TMEM131L: variants seen among roughly 807,000 people sequenced by gnomAD.
TMEM131L encodes the protein transmembrane protein 131-like.
A neutral mutation model predicts 192.2 loss-of-function variants in TMEM131L; 54 were observed. The ratio of observed to expected loss-of-function variants is 0.28; its 90% CI spans 0.23 to 0.35. The LOEUF is 0.35. Ranked by LOEUF, TMEM131L falls within the 10% of genes least tolerant of loss-of-function variation. The pLI is 1.00. For missense variants in TMEM131L, 1,888 were observed against 1,972.9 expected, an observed-to-expected ratio of 0.96 and a Z score of 0.82; for synonymous variants, 701 against 704.9, an observed-to-expected ratio of 0.99 and a Z score of 0.09.
At chr4:153,578,053 A>C (rs1730077845) in intron 7 of TMEM131L, among the ~76,000 whole-genome samples, 1 of 152,172 alleles carries the variant, frequency 6.6e-6, no homozygotes, top group African/African-American at 2.4e-5. Flanking sequence ...CTGGCAGAGG[A>C]ACCAGAGAGA....
chr4:153,537,082 A>G (rs562242915), intron 3 of TMEM131L, among the ~76,000 whole-genome samples: 2 of 152,306 alleles, frequency 1.3e-5, no homozygotes, highest in African/African-American at 2.4e-5. Flanking sequence ...TCCTTTGGCA[A>G]CACCCTCACG....
chr4:153,482,230 C>A (rs1731998084), intron 3 of TMEM131L, among the ~76,000 whole-genome samples: 1 of 152,142 alleles, frequency 6.6e-6, no homozygotes, highest in Non-Finnish European at 1.5e-5. Context: ...TGTATAGCCT[C>A]ATGGTACCTT....
At position 153,500,702 on chromosome 4, in the gene TMEM131L, T is replaced by G. The variant is rs1244930401; in HGVS notation, c.239+26814T>G. Among the ~76,000 whole-genome samples, 5 of 152,360 alleles carry G rather than the reference T, an allele frequency of 3.3e-5. No homozygotes were observed. In the South Asian group the frequency reaches 1.0e-3, roughly 32 times the overall value. On this transcript the variant is annotated intron_variant, in intron 3 of 34. Coordinates refer to ENST00000409959, the MANE Select transcript of TMEM131L (RefSeq NM_001131007.2). ...ATATACACTTAAGTAATGAATTGCC[T>G]TCTTTAAAATACAAATATTTACATT... is the stretch of plus-strand genomic sequence containing the variant.
At chr4:153,572,374 A>G (rs1729645630) in intron 7 of TMEM131L, among the ~76,000 whole-genome samples, 1 of 152,188 alleles carries the variant, frequency 6.6e-6, no homozygotes, top group South Asian at 2.1e-4. Context: ...CTTGTTGCCC[A>G]GGCTGGTGTG....
intron 26 of TMEM131L, among the ~76,000 whole-genome samples, chr4:153,616,590 A>T (rs1021792567): frequency 6.6e-6 from 1 of 152,224 alleles, no homozygotes; most frequent in Non-Finnish European, 1.5e-5. Flanking sequence ...TTTTCTTTTA[A>T]GCAGACTTTT....
intron 3 of TMEM131L, among the ~76,000 whole-genome samples, chr4:153,535,461 G>C (rs779086631): frequency 1.3e-5 from 2 of 152,160 alleles, no homozygotes; most frequent in African/African-American, 2.4e-5. Flanking sequence ...TTAGAAAAGA[G>C]GACCAGGGTC....
chr4:153,536,419 T>C (rs896913169), intron 3 of TMEM131L, among the ~76,000 whole-genome samples: 1 of 152,230 alleles, frequency 6.6e-6, no homozygotes, highest in Non-Finnish European at 1.5e-5. Context: ...TTAAGTTCCC[T>C]GAGCTGAATT....
intron 7 of TMEM131L, among the ~76,000 whole-genome samples, chr4:153,579,902 T>C (rs540217145): frequency 2.6e-5 from 4 of 152,244 alleles, no homozygotes; most frequent in Non-Finnish European, 5.9e-5. Context: ...TTCTTCTTAG[T>C]AATGCATCTT....
At chr4:153,541,754 C>T (rs966906572) in intron 3 of TMEM131L, among the ~76,000 whole-genome samples, 1 of 152,208 alleles carries the variant, frequency 6.6e-6, no homozygotes, top group South Asian at 2.1e-4. Flanking sequence ...AAGAACCAGG[C>T]CCAGAAACCA....
chr4:153,507,652 T>C lies in TMEM131L; in HGVS notation c.239+33764T>C, dbSNP rs1336471483. The stretch of plus-strand genomic sequence containing the variant: ...TGCTGTTAGGATGCAGACTTTTGAC[T>C]TAAGTTTCTCCCATTTGAGTGAGAT... On this transcript the variant is annotated intron_variant, in intron 3 of 34. Transcript: ENST00000409959. 3.3e-5 allele frequency among the ~76,000 whole-genome samples: 5 copies of C among 152,218 alleles called. No individual in the cohort carries two copies. The South Asian group carries it at 6.2e-4, about 19-fold the overall frequency.
intron 3 of TMEM131L, among the ~76,000 whole-genome samples, chr4:153,484,525 G>A (rs1732170283): frequency 6.6e-6 from 1 of 150,760 alleles, no homozygotes; most frequent in Non-Finnish European, 1.5e-5. Context: ...CTGGAGTGCA[G>A]TGGCACGATC....
chr4:153,506,944 A>T (rs1734034269), intron 3 of TMEM131L, among the ~76,000 whole-genome samples: 3 of 152,152 alleles, frequency 2.0e-5, no homozygotes, highest in African/African-American at 7.2e-5. Context: ...GGGGAATAAA[A>T]ACCTCCCCTG....
intron 3 of TMEM131L, among the ~76,000 whole-genome samples, chr4:153,545,936 T>G (rs1037302934): frequency 2.0e-5 from 3 of 152,040 alleles, no homozygotes; most frequent in African/African-American, 7.3e-5. Context: ...CAGGCTGGAG[T>G]GCAGTGGTGC....
intron 3 of TMEM131L, among the ~76,000 whole-genome samples, chr4:153,484,476 AT>A (rs1196866976): frequency 7.5e-5 from 11 of 147,274 alleles, no homozygotes; most frequent in South Asian, 2.1e-4. Flanking sequence ...TTTTATTTTT[AT>A]TTTTTTTTTG....
At position 153,634,120 on chromosome 4, in the gene TMEM131L, A is replaced by G. The variant is rs951004410; in HGVS notation, c.4329-72A>G. 13 of 1,294,088 alleles carry G rather than the reference A, an allele frequency of 1.0e-5. No homozygotes were observed. In the African/African-American group the frequency reaches 1.3e-4, roughly 13 times the overall value. 80.2% of individuals were successfully genotyped at this position (1,294,088 alleles called of 1,614,324 possible). A position where few individuals can be genotyped will look rare whatever the true frequency, so the allele number is the denominator to read the frequency against. ...AGTGATTAGGATGCTAGGCAGTAAA[A>G]TCATTTTCCATTTTCTTTACTTGAT... On this transcript the variant is annotated intron_variant, in intron 32 of 34. Coordinates refer to ENST00000409959, the MANE Select transcript of TMEM131L (RefSeq NM_001131007.2).
chr4:153,526,938 G>A (rs2150195060), intron 3 of TMEM131L, among the ~76,000 whole-genome samples: 1 of 152,194 alleles, frequency 6.6e-6, no homozygotes, highest in East Asian at 1.9e-4. Context: ...GGGGCCTTGA[G>A]AGAGGGCCTG....
chr4:153,552,936 A>G lies in TMEM131L; in HGVS notation c.308+2795A>G, dbSNP rs1165099496. Among the ~76,000 whole-genome samples the G allele has an allele frequency of 6.9e-5, 9 of 130,596 alleles. 1 individual carries two copies. The highest frequency in any genetic ancestry group is 1.4e-4 in the African/African-American group (4 of 27,812). 85.7% of individuals were successfully genotyped at this position (130,596 alleles called of 152,430 possible). On this transcript the variant is annotated intron_variant, in intron 4 of 34. Coordinates refer to ENST00000409959, the MANE Select transcript of TMEM131L (RefSeq NM_001131007.2). Reference sequence around the variant, plus strand: ...TGTATCTCTTTTTTCTTGTGTTGTTATTTTTTGTGTTTTTTTTTTTCCCTC... The same window carrying G: ...TGTATCTCTTTTTTCTTGTGTTGTTGTTTTTTGTGTTTTTTTTTTTCCCTC...
intron 3 of TMEM131L, among the ~76,000 whole-genome samples, chr4:153,535,774 A>G (rs140111181): frequency 6.6e-6 from 1 of 152,314 alleles, no homozygotes; most frequent in East Asian, 1.9e-4. Flanking sequence ...GCAAAAGGAA[A>G]GTGTCTGATA....
At position 153,550,053 on chromosome 4, in the gene TMEM131L, C is replaced by T. The variant is rs1014426634; in HGVS notation, c.240-20C>T. On this transcript the variant is annotated intron_variant, in intron 3 of 34. Coordinates refer to ENST00000409959, the MANE Select transcript of TMEM131L (RefSeq NM_001131007.2). ...AATGTTAAAACTACAACAAAATCAA[C>T]CTCTCTTTTCTTTTTTTAGCTTCTC... 16 of 1,325,462 alleles carry T rather than the reference C, an allele frequency of 1.2e-5. No homozygotes were observed. The Admixed American group carries it at 4.1e-4, about 34-fold the overall frequency. The allele number at this position is 1,325,462 out of a possible 1,614,324, so 82.1% of individuals were successfully genotyped here. A position where few individuals can be genotyped will look rare whatever the true frequency, so the allele number is the denominator to read the frequency against.
Sources: gnomAD v4.1 joint callset for allele counts (sites outside exome capture counted in the v4.1 genomes callset) on GRCh38, gnomAD v4.1.1 for gene constraint, MANE v1.5 for transcripts, NCBI Gene and HGNC (gene_info 2026-07-23, HGNC 2026-07-21) for gene names.